The following PAM variants were observed in gnomAD, a reference collection of about 807,000 sequenced individuals.
PAM encodes the protein peptidylglycine alpha-amidating monooxygenase.
Under a neutral mutation model 122.1 loss-of-function variants are expected in PAM, and 72 were observed. The observed-to-expected ratio is 0.59, with a 90% confidence interval of 0.49 to 0.72. The LOEUF (loss-of-function observed/expected upper bound fraction) is 0.72. Among genes scored for constraint, PAM ranks in the 30% least tolerant of loss-of-function variants. The pLI is 0.00. For missense variants in PAM, 1,106 were observed against 1,183.7 expected, an observed-to-expected ratio of 0.93 and a Z score of 0.96; for synonymous variants, 389 against 404.4, an observed-to-expected ratio of 0.96 and a Z score of 0.46.
intron 1 of PAM, among the ~76,000 whole-genome samples, chr5:102,841,386 C>T (rs908856398): frequency 6.7e-6 from 1 of 149,554 alleles, no homozygotes; most frequent in Admixed American, 6.7e-5. Context: ...TCCACCTGTT[C>T]ATTCTCAAAC....
chr5:102,915,745 G>C (rs1802910653), intron 5 of PAM, among the ~76,000 whole-genome samples: 1 of 152,156 alleles, frequency 6.6e-6, no homozygotes, highest in South Asian at 2.1e-4. Context: ...TTAAGGGAAT[G>C]AGTGAGAAAA....
At chr5:102,918,460 G>A (rs1262465230) in intron 5 of PAM, among the ~76,000 whole-genome samples, 2 of 151,950 alleles carry the variant, frequency 1.3e-5, no homozygotes, top group East Asian at 3.9e-4. Flanking sequence ...ATGAAATGAA[G>A]GTGCTTAAAT....
chr5:102,791,076 C>T (rs2149992864), intron 1 of PAM, among the ~76,000 whole-genome samples: 1 of 152,112 alleles, frequency 6.6e-6, no homozygotes, highest in East Asian at 1.9e-4. Context: ...TCTTTTACAG[C>T]TGCATCTAAG....
At chr5:102,852,761 C>T (rs920095565) in intron 1 of PAM, among the ~76,000 whole-genome samples, 3 of 152,030 alleles carry the variant, frequency 2.0e-5, no homozygotes, top group African/African-American at 7.2e-5. Context: ...TTTACATAAG[C>T]CCTTTATTTA....
chr5:103,028,953 G>C lies in PAM; in HGVS notation c.2810G>C (p.Gly937Ala), dbSNP rs1785803002. ...FASRKGYSRK[G>A]FDRLSTEGSD... ...AGCCGTAAGGGCTACAGTCGAAAAG[G>C]GTTTGACCGGCTTAGCACTGAGGGC... The change falls in exon 26 of 26, where the codon GGG becomes GCG. Residue 937 changes from glycine to alanine, a missense_variant. This residue lies in a region of PAM where 333 missense variants were observed against 335.6 expected (regional missense o/e 0.99). Coordinates refer to ENST00000438793, the MANE Select transcript of PAM (RefSeq NM_001177306.2). 2 of 1,613,644 alleles carry C rather than the reference G, an allele frequency of 1.2e-6. No individual in the cohort carries two copies. The highest frequency in any genetic ancestry group is 1.7e-6 in the Non-Finnish European group (2 of 1,179,742).
rs1381592260 is a variant in PAM at position 102,873,872 on chromosome 5, T to TC, written c.210+6480dup. ...GTGTTTCGTTTTCTTCTATTTTTTT[T>TC]CTCCTTTCAGAGAAAATAAAACTAG... On this transcript the variant is annotated intron_variant, in intron 3 of 25. Coordinates refer to ENST00000438793, the MANE Select transcript of PAM (RefSeq NM_001177306.2). The TC allele has an allele frequency of 2.0e-5, 3 of 152,192 alleles. No individual in the cohort carries two copies. The East Asian group carries it at 5.8e-4, about 29-fold the overall frequency. The allele number at this position is 152,192 out of a possible 1,614,324, so 9.4% of individuals were successfully genotyped here.
At chr5:102,896,434 G>A (rs1052277621) in intron 3 of PAM, among the ~76,000 whole-genome samples, 3 of 151,682 alleles carry the variant, frequency 2.0e-5, no homozygotes, top group African/African-American at 7.3e-5. Context: ...CTTAAACTGT[G>A]AGTTTATTGC....
chr5:102,765,426 G>C (rs574154203), intron 1 of PAM, among the ~76,000 whole-genome samples: 1 of 152,138 alleles, frequency 6.6e-6, no homozygotes, highest in Non-Finnish European at 1.5e-5. Flanking sequence ...TTTTAGGTGG[G>C]TGTAGTCCAT....
chr5:102,818,416 A>G (rs1270317460), intron 1 of PAM, among the ~76,000 whole-genome samples: 1 of 152,120 alleles, frequency 6.6e-6, no homozygotes, highest in South Asian at 2.1e-4. Context: ...GAAAAAAAAA[A>G]AGGAAAATGT....
intron 7 of PAM, among the ~76,000 whole-genome samples, chr5:102,934,577 C>T (rs1162348416): frequency 6.6e-6 from 1 of 152,098 alleles, no homozygotes; most frequent in Non-Finnish European, 1.5e-5. Flanking sequence ...CTCCCATTTC[C>T]AATTTCTCTG....
intron 4 of PAM, 141 bp from the exon 5 acceptor site, chr5:102,913,793 T>C: frequency 1.7e-6 from 1 of 593,212 alleles, no homozygotes; most frequent in Non-Finnish European, 3.0e-6. Flanking sequence ...AGATAATTTA[T>C]ACAGACAGGG....
At chr5:102,821,983 G>A (rs1455943099) in intron 1 of PAM, among the ~76,000 whole-genome samples, 1 of 152,130 alleles carries the variant, frequency 6.6e-6, no homozygotes, top group Non-Finnish European at 1.5e-5. Flanking sequence ...ATACATTTAA[G>A]AAAGACTAAT....
chr5:102,779,740 A>G (rs1363755807), intron 1 of PAM, among the ~76,000 whole-genome samples: 1 of 151,684 alleles, frequency 6.6e-6, no homozygotes, highest in Non-Finnish European at 1.5e-5. Flanking sequence ...CCCATGCTGG[A>G]TGCTGGATGT....
At chr5:103,008,707 A>G (rs1779766528) in intron 20 of PAM, among the ~76,000 whole-genome samples, 1 of 152,116 alleles carries the variant, frequency 6.6e-6, no homozygotes, top group Admixed American at 6.6e-5. Context: ...TGGCTTCCTC[A>G]AGGAATAAAG....
chr5:102,821,065 T>G (rs906474519), intron 1 of PAM, among the ~76,000 whole-genome samples: 1 of 152,162 alleles, frequency 6.6e-6, no homozygotes, highest in Non-Finnish European at 1.5e-5. Flanking sequence ...TATAGAAATT[T>G]TTCATCTTCT....
At chr5:102,841,960 G>C (rs1778755081) in intron 1 of PAM, among the ~76,000 whole-genome samples, 1 of 152,020 alleles carries the variant, frequency 6.6e-6, no homozygotes, top group African/African-American at 2.4e-5. Context: ...AGTCTATCTG[G>C]ATAGAATTTA....
intron 7 of PAM, among the ~76,000 whole-genome samples, chr5:102,931,992 A>C (rs1248568387): frequency 6.6e-6 from 1 of 152,014 alleles, no homozygotes; most frequent in Non-Finnish European, 1.5e-5. Flanking sequence ...CAGCCTGGAG[A>C]TCCTATTTTC....
intron 24 of PAM, among the ~76,000 whole-genome samples, chr5:103,025,927 A>G (rs1784823156): frequency 6.6e-6 from 1 of 152,218 alleles, no homozygotes; most frequent in South Asian, 2.1e-4. Context: ...GGTTATGATG[A>G]ATAATCATTG....
At chr5:102,897,226 G>C (rs886094128) in intron 3 of PAM, among the ~76,000 whole-genome samples, 2 of 151,490 alleles carry the variant, frequency 1.3e-5, no homozygotes, top group East Asian at 3.9e-4. Context: ...ATGTGGAAAC[G>C]TAGGACTTTA....
Sources: allele counts gnomAD v4.1 joint callset (sites outside exome capture counted in the v4.1 genomes callset), GRCh38; gene constraint gnomAD v4.1.1; regional missense constraint gnomAD v4.1.1; transcripts MANE v1.5; gene names NCBI Gene and HGNC (gene_info 2026-07-23, HGNC 2026-07-21).